The following GNAS-AS1 variants were observed in gnomAD, a reference collection of about 807,000 sequenced individuals.
GNAS-AS1 encodes the protein GNAS antisense RNA 1.
At chr20:58,820,752 T>C (rs2085481042) in intron 4 of GNAS-AS1, among the ~76,000 whole-genome samples, 1 of 152,212 alleles carries the variant, frequency 6.6e-6, no homozygotes, top group Non-Finnish European at 1.5e-5. Context: ...AGAGAGCGCT[T>C]GCGCAGGCAA....
intron 4 of GNAS-AS1, among the ~76,000 whole-genome samples, chr20:58,831,193 T>G (rs2085566731): frequency 6.6e-6 from 1 of 152,170 alleles, no homozygotes; most frequent in African/African-American, 2.4e-5. Flanking sequence ...GACATCGAAT[T>G]GGAGGTTCCT....
At position 58,841,839 on chromosome 20, in the gene GNAS-AS1, A is replaced by AACTCTGGAGGC; in HGVS notation, n.819+97_819+98insGCCTCCAGAGT. ...AGACGTCCTGGGCTGTTTGCGCAGG[A>AACTCTGGAGGC]CCTCTGGAGGCCCTCGAGATCGTCG... On this transcript the variant is annotated intron_variant and non_coding_transcript_variant, in intron 4 of 4. Transcript: ENST00000424094. This position sits in a 1 kb window ranked among gnomAD's most constrained non-coding sequence, Gnocchi z 5.0. 1 of 1,230,832 alleles carries AACTCTGGAGGC rather than the reference A, an allele frequency of 8.1e-7. No homozygotes were observed. The highest frequency in any genetic ancestry group is 1.0e-6 in the Non-Finnish European group (1 of 987,928). 76.2% of individuals were successfully genotyped at this position (1,230,832 alleles called of 1,614,324 possible).
chr20:58,849,124 TG>T (rs2086053062), intron 1 of GNAS-AS1, among the ~76,000 whole-genome samples: 1 of 152,158 alleles, frequency 6.6e-6, no homozygotes, highest in Admixed American at 6.6e-5. Flanking sequence ...CATTTTTGGT[TG>T]TTAAAACTAA....
chr20:58,839,852 G>C lies in GNAS-AS1; in HGVS notation n.819+2085C>G, dbSNP rs1373888909. ...AGCGAGAGGAGCCCGGGAGGAGACA[G>C]AACTTTCCCCTTTTTTCCCATCCCT... On this transcript the variant is annotated intron_variant and non_coding_transcript_variant, in intron 4 of 4. Coordinates refer to ENST00000424094, the Ensembl canonical transcript of GNAS-AS1. 18 of 597,010 alleles carry C rather than the reference G, an allele frequency of 3.0e-5. No individual in the cohort carries two copies. In the East Asian group the frequency reaches 4.7e-4, roughly 16 times the overall value. The allele number at this position is 597,010 out of a possible 1,614,324, so 37.0% of individuals were successfully genotyped here. A position where few individuals can be genotyped will look rare whatever the true frequency, so the allele number is the denominator to read the frequency against.
intron 2 of GNAS-AS1, among the ~76,000 whole-genome samples, chr20:58,844,347 G>A: frequency 6.6e-6 from 1 of 152,214 alleles, no homozygotes; most frequent in East Asian, 1.9e-4. Flanking sequence ...GCAGAGGGAT[G>A]AGATGCTCAA....
chr20:58,835,427 T>C (rs917119560), intron 4 of GNAS-AS1, among the ~76,000 whole-genome samples: 6 of 152,174 alleles, frequency 3.9e-5, no homozygotes, highest in East Asian at 3.8e-4. Context: ...CACTGGCACA[T>C]GGCTTTGCAC....
In GNAS-AS1 at chr20:58,841,608, A is replaced by G. The variant is rs970757599; in HGVS notation, n.819+329T>C. 1.9e-6 allele frequency: 2 copies of G among 1,036,182 alleles called. No homozygotes were observed. The highest frequency in any genetic ancestry group is 4.6e-5 in the South Asian group (1 of 21,720). 64.2% of individuals were successfully genotyped at this position (1,036,182 alleles called of 1,614,324 possible). ...AGAGACCGCCTCAAAGAGCGTGCGCACCTGCCCGCGCGCGCCGGAGCTGAC... is the reference window on the plus strand; with the variant it reads ...AGAGACCGCCTCAAAGAGCGTGCGCGCCTGCCCGCGCGCGCCGGAGCTGAC... On this transcript the variant is annotated intron_variant and non_coding_transcript_variant, in intron 4 of 4. Transcript: ENST00000424094. The surrounding 1 kb of genome is among the most constrained non-coding windows in gnomAD (Gnocchi z 5.0).
At chr20:58,825,426 C>T in intron 4 of GNAS-AS1, among the ~76,000 whole-genome samples, 1 of 152,212 alleles carries the variant, frequency 6.6e-6, no homozygotes, top group East Asian at 1.9e-4. Flanking sequence ...CCTGGAGGGA[C>T]ATCAGCCACG....
rs1036645642 is a variant in GNAS-AS1 at position 58,840,015 on chromosome 20, G to A, written n.819+1922C>T. The stretch of plus-strand genomic sequence containing the variant: ...GGGCCAGCTTCTCACCTCATAGGGT[G>A]TACCTTTCCCGGCTCCAGCAGCCAA... On this transcript the variant is annotated intron_variant and non_coding_transcript_variant, in intron 4 of 4. Coordinates refer to ENST00000424094, the Ensembl canonical transcript of GNAS-AS1. This position sits in a 1 kb window ranked among gnomAD's most constrained non-coding sequence, Gnocchi z 6.0. 17 of 1,450,450 alleles carry A rather than the reference G, an allele frequency of 1.2e-5. No individual in the cohort carries two copies. The highest frequency in any genetic ancestry group is 2.3e-5 in the East Asian group (1 of 44,138). 89.8% of individuals were successfully genotyped at this position (1,450,450 alleles called of 1,614,324 possible).
intron 4 of GNAS-AS1, among the ~76,000 whole-genome samples, chr20:58,832,073 C>T (rs2085571943): frequency 1.3e-5 from 2 of 152,076 alleles, no homozygotes; most frequent in Admixed American, 6.5e-5. Flanking sequence ...CTGCTGGTTG[C>T]CTCAAAAACC....
chr20:58,839,065 C>T lies in GNAS-AS1; in HGVS notation n.819+2872G>A, dbSNP rs1166384700. 1.8e-5 allele frequency: 7 copies of T among 398,506 alleles called. No homozygotes were observed. In the East Asian group the frequency reaches 2.1e-4, roughly 12 times the overall value. 24.7% of individuals were successfully genotyped at this position (398,506 alleles called of 1,614,324 possible). A position where few individuals can be genotyped will look rare whatever the true frequency, so the allele number is the denominator to read the frequency against. On this transcript the variant is annotated intron_variant and non_coding_transcript_variant, in intron 4 of 4. Coordinates refer to ENST00000424094, the Ensembl canonical transcript of GNAS-AS1. The stretch of plus-strand genomic sequence containing the variant: ...GGAAAGACTTCCCTTTACCCATGCT[C>T]TCAGCTCCAGTCCACTTCCAGCACC...
chr20:58,819,096 G>C (rs1411935295), exon 5 of GNAS-AS1: 1 of 398,494 alleles, frequency 2.5e-6, no homozygotes, highest in Non-Finnish European at 4.4e-6. Context: ...AACTCTCTTT[G>C]CTTATCAAAC....
In GNAS-AS1 at chr20:58,840,855, C is replaced by T. The variant is rs749143784; in HGVS notation, n.819+1082G>A. 6.2e-7 allele frequency: 1 copy of T among 1,612,666 alleles called. No individual in the cohort carries two copies. The highest frequency in any genetic ancestry group is 8.5e-7 in the Non-Finnish European group (1 of 1,179,936). ...ATCCGGCGTCACTAATGGAGGACGC[C>T]GTCCAGATTCTCCTTGTTTTCATGG... On this transcript the variant is annotated intron_variant and non_coding_transcript_variant, in intron 4 of 4. Transcript: ENST00000424094. This position sits in a 1 kb window ranked among gnomAD's most constrained non-coding sequence, Gnocchi z 6.0.
exon 1 of GNAS-AS1, chr20:58,850,580 C>T (rs2086118215): frequency 2.5e-6 from 1 of 398,836 alleles, no homozygotes; most frequent in African/African-American, 2.1e-5. Flanking sequence ...CCTTATCCAT[C>T]CTGGGCTGCT....
chr20:58,850,386 C>T (rs912702096), intron 1 of GNAS-AS1: 37 of 396,918 alleles, frequency 9.3e-5, no homozygotes, highest in Non-Finnish European at 1.4e-4. Context: ...CCCACAGACC[C>T]ATGAGGGTGT....
rs111244427 is a variant in GNAS-AS1, at chr20:58,839,319, T to G, written n.819+2618A>C. 1.3e-3 allele frequency: 524 copies of G among 398,676 alleles called. 3 individuals are homozygous for G. The highest frequency in any genetic ancestry group is 9.9e-3 in the African/African-American group (485 of 48,760). The allele number at this position is 398,676 out of a possible 1,614,324, so 24.7% of individuals were successfully genotyped here. ...CCCGAAGTTACCATCCTCAAACTAT[T>G]AAGCCATTGGAAAATGCTAGAGGCT... On this transcript the variant is annotated intron_variant and non_coding_transcript_variant, in intron 4 of 4. Transcript: ENST00000424094.
intron 4 of GNAS-AS1, chr20:58,838,916 CAAAAAAAAA>C (rs766172876): frequency 2.8e-5 from 7 of 253,172 alleles, no homozygotes; most frequent in Admixed American, 1.9e-4. Flanking sequence ...GATTCTGTCT[CAAAAAAAAA>C]AAAAAAAAAA....
rs1332901017 is a variant in GNAS-AS1, at chr20:58,841,884, G to A, written n.819+53C>T. On this transcript the variant is annotated intron_variant and non_coding_transcript_variant, in intron 4 of 4. Coordinates refer to ENST00000424094, the Ensembl canonical transcript of GNAS-AS1. The surrounding 1 kb of genome is among the most constrained non-coding windows in gnomAD (Gnocchi z 5.0). ...TCGTCGCAAGTGGAAAGGTAAAGCG[G>A]AACAAGGGACAGGCTGGAGACGGGG... The A allele has an allele frequency of 2.4e-6, 3 of 1,231,454 alleles. No individual in the cohort carries two copies. In the South Asian group the frequency reaches 1.3e-4, roughly 51 times the overall value. The allele number at this position is 1,231,454 out of a possible 1,614,324, so 76.3% of individuals were successfully genotyped here.
At chr20:58,846,382 C>T (rs1467331887) in intron 2 of GNAS-AS1, among the ~76,000 whole-genome samples, 2 of 152,172 alleles carry the variant, frequency 1.3e-5, no homozygotes, top group African/African-American at 2.4e-5. Context: ...CATTGGAGGG[C>T]TACCAATGAG....
Sources: allele counts gnomAD v4.1 joint callset (sites outside exome capture counted in the v4.1 genomes callset), GRCh38; gene constraint gnomAD v4.1.1; non-coding constraint Gnocchi (gnomAD v3.1); transcripts MANE v1.5; gene names NCBI Gene and HGNC (gene_info 2026-07-23, HGNC 2026-07-21).